FAM81A: variants seen among roughly 807,000 people sequenced by gnomAD.
FAM81A encodes protein FAM81A.
Under a neutral mutation model 46.7 loss-of-function variants are expected in FAM81A, and 19 were observed. That is an observed-to-expected ratio of 0.41 (90% confidence interval 0.28 to 0.60). The LOEUF is 0.60. Among genes scored for constraint, FAM81A ranks in the 20% least tolerant of loss-of-function variants. FAM81A has a pLI of 0.34. For synonymous variants in FAM81A, 183 were observed against 152.9 expected (o/e 1.20, Z -1.45); for missense variants, 377 against 453.5 (o/e 0.83, Z 1.53).
chr15:59,509,230 G>T (rs534698189), intron 6 of FAM81A, among the ~76,000 whole-genome samples: 1 of 152,316 alleles, frequency 6.6e-6, no homozygotes, highest in Admixed American at 6.5e-5. Flanking sequence ...TCTGGGTAAT[G>T]AACACAAACC....
Position 59,432,100 on chromosome 15 carries a change from T to C in FAM81A, c.-77-26450T>C, listed in dbSNP as rs555497296. 9.2e-5 allele frequency among the ~76,000 whole-genome samples: 14 copies of C among 152,370 alleles called. No homozygotes were observed. The South Asian group carries it at 2.3e-3, about 25-fold the overall frequency. On this transcript the variant is annotated intron_variant, in intron 2 of 4. Transcript: ENST00000558348. ...TACTTTAAGTACAGGCTATGTATTGTCTATTAATTACAATTTTTAAACACT... is the reference window on the plus strand; with the variant it reads ...TACTTTAAGTACAGGCTATGTATTGCCTATTAATTACAATTTTTAAACACT...
intron 4 of FAM81A, among the ~76,000 whole-genome samples, chr15:59,505,299 G>C (rs527840735): frequency 2.0e-5 from 3 of 152,138 alleles, no homozygotes; most frequent in Non-Finnish European, 2.9e-5. Context: ...ATTGCCTGAG[G>C]TCAGGAGTTT....
At chr15:59,479,519 G>A (rs372752522) in intron 3 of FAM81A, among the ~76,000 whole-genome samples, 903 of 72,548 alleles carry the variant, frequency 0.012, no homozygotes, top group East Asian at 0.015. Context: ...TCAAAAATAA[G>A]AAAAAAAAAA....
chr15:59,507,248 A>G lies in FAM81A; in HGVS notation c.449A>G (p.His150Arg). Reference sequence around the variant, plus strand: ...AGCATAGCTAGACTTTCTGCAGAGCACAAAACGACCTATGAGGGGCTCCAG... The same window carrying G: ...AGCATAGCTAGACTTTCTGCAGAGCGCAAAACGACCTATGAGGGGCTCCAG... ...DASIARLSAE[H>R]KTTYEGLQHL... The change falls in exon 5 of 9, where the codon CAC becomes CGC. Residue 150 changes from histidine (H) to arginine (R), a missense_variant. Physicochemically the swap from His to Arg is conservative, Grantham distance 29. Coordinates refer to ENST00000288228, the MANE Select transcript of FAM81A (RefSeq NM_152450.3). 1 of 1,611,856 alleles carries G rather than the reference A, an allele frequency of 6.2e-7. No individual in the cohort carries two copies.
chr15:59,434,339 C>G (rs1383587845), upstream of FAM81A, among the ~76,000 whole-genome samples: 2 of 152,220 alleles, frequency 1.3e-5, no homozygotes, highest in African/African-American at 2.4e-5. Flanking sequence ...CACTACAGAT[C>G]TCTATGGATA....
chr15:59,479,163 G>A (rs984402291), intron 3 of FAM81A, among the ~76,000 whole-genome samples: 1 of 152,226 alleles, frequency 6.6e-6, no homozygotes, highest in South Asian at 2.1e-4. Context: ...GATGTTAGCT[G>A]ATGTCAAGTG....
At position 59,408,743 on chromosome 15, in the gene FAM81A, C is replaced by G. The variant is rs188020412; in HGVS notation, c.-78+6385C>G. Among the ~76,000 whole-genome samples, 22 of 152,266 alleles carry G rather than the reference C, an allele frequency of 1.4e-4. No homozygotes were observed. In the East Asian group the frequency reaches 4.2e-3, roughly 29 times the overall value. ...ACTCCGGAGGCTGAGGCAGGAGACT[C>G]TCTTGAACCTGAGAGGCGGAGGTTG... On this transcript the variant is annotated intron_variant, in intron 2 of 4. Transcript: ENST00000558348.
chr15:59,433,841 A>G (rs1381170704), upstream of FAM81A, among the ~76,000 whole-genome samples: 1 of 152,130 alleles, frequency 6.6e-6, no homozygotes, highest in African/African-American at 2.4e-5. Flanking sequence ...ATTCGGTGAA[A>G]CATTTTATTT....
chr15:59,475,879 C>G (rs986694309), intron 3 of FAM81A, among the ~76,000 whole-genome samples: 8 of 152,152 alleles, frequency 5.3e-5, no homozygotes, highest in African/African-American at 1.9e-4. Flanking sequence ...GTCTTATAGC[C>G]AAACTTCATT....
chr15:59,462,202 C>CAA lies in FAM81A; in HGVS notation c.294+2013_294+2014dup, dbSNP rs58692315. ...TGGGCGACAGAGCGAGACTGCATCT[C>CAA]AAAAAAAAAAAAAAAAAACATAGCC... On this transcript the variant is annotated intron_variant, in intron 3 of 8. Coordinates refer to ENST00000288228, the MANE Select transcript of FAM81A (RefSeq NM_152450.3). 2.9e-3 allele frequency among the ~76,000 whole-genome samples: 199 copies of CAA among 67,476 alleles called. 7 individuals are homozygous for CAA. The highest frequency in any genetic ancestry group is 8.5e-3 in the African/African-American group (166 of 19,416). The allele number at this position is 67,476 out of a possible 152,430, so 44.3% of individuals were successfully genotyped here. A position where few individuals can be genotyped will look rare whatever the true frequency, so the allele number is the denominator to read the frequency against.
At chr15:59,514,520 C>G in intron 7 of FAM81A, 96 bp downstream of exon 7, 1 of 1,416,878 alleles carries the variant, frequency 7.1e-7, no homozygotes, top group Non-Finnish European at 9.5e-7. Flanking sequence ...ACTGATTTAG[C>G]TGTTCAATTG....
At chr15:59,434,378 A>G (rs78567355), upstream of FAM81A, among the ~76,000 whole-genome samples, 8,041 of 152,124 alleles carry the variant, frequency 0.053, 301 homozygotes, top group Non-Finnish European at 0.078. Flanking sequence ...ACACTGCCGA[A>G]CTTCTCTAAA....
intron 2 of FAM81A, among the ~76,000 whole-genome samples, chr15:59,404,945 T>C (rs543812942): frequency 3.0e-4 from 46 of 152,322 alleles, no homozygotes; most frequent in African/African-American, 1.1e-3. Flanking sequence ...TCCATCTCAC[T>C]CTGTCCCAGC....
intron 1 of FAM81A, among the ~76,000 whole-genome samples, chr15:59,450,653 A>C (rs1164937074): frequency 6.6e-6 from 1 of 152,164 alleles, no homozygotes; most frequent in African/African-American, 2.4e-5. Flanking sequence ...TTTATTTTAT[A>C]ATTTGCTTCC....
At chr15:59,504,617 G>A (rs1428178989) in intron 4 of FAM81A, among the ~76,000 whole-genome samples, 1 of 152,126 alleles carries the variant, frequency 6.6e-6, no homozygotes, top group Non-Finnish European at 1.5e-5. Flanking sequence ...CTTTGTGGGT[G>A]TTCTTTTCTC....
At chr15:59,436,149 C>T (rs2081241944), upstream of FAM81A, among the ~76,000 whole-genome samples, 1 of 152,154 alleles carries the variant, frequency 6.6e-6, no homozygotes, top group Non-Finnish European at 1.5e-5. Context: ...AAATGAAAGT[C>T]AGCCTAAATA....
intron 3 of FAM81A, among the ~76,000 whole-genome samples, chr15:59,467,323 T>C (rs1199337892): frequency 6.6e-6 from 1 of 152,242 alleles, no homozygotes; most frequent in African/African-American, 2.4e-5. Context: ...ACGATATTGA[T>C]TCTTCCTATC....
chr15:59,418,100 C>G (rs1341822800), intron 2 of FAM81A, among the ~76,000 whole-genome samples: 5 of 152,186 alleles, frequency 3.3e-5, no homozygotes, highest in Non-Finnish European at 1.5e-5. Context: ...AGGATATGAA[C>G]TCATCCTTTT....
intron 2 of FAM81A, among the ~76,000 whole-genome samples, chr15:59,429,998 T>G (rs1361434099): frequency 6.6e-6 from 1 of 152,158 alleles, no homozygotes; most frequent in African/African-American, 2.4e-5. Context: ...TGGGTATGCT[T>G]TGTAATTTTA....
Sources: allele counts gnomAD v4.1 joint callset (sites outside exome capture counted in the v4.1 genomes callset), GRCh38; gene constraint gnomAD v4.1.1; transcripts MANE v1.5; gene names NCBI Gene and HGNC (gene_info 2026-07-23, HGNC 2026-07-21).